BLTP3B: variants seen among roughly 807,000 people sequenced by gnomAD.
The protein encoded by BLTP3B is bridge-like lipid transfer protein family member 3B.
the BLTP3B span, chr12:100,060,058 T>G: frequency 1.9e-6 from 3 of 1,546,886 alleles, no homozygotes; most frequent in Non-Finnish European, 2.6e-6. Context: ...GGAGACAAGA[T>G]GTTTTTTAAA....
At chr12:100,092,947 C>T in the BLTP3B span, 1 of 985,388 alleles carries the variant, frequency 1.0e-6, no homozygotes, top group African/African-American at 1.7e-5. Flanking sequence ...CCCTTATTGG[C>T]TAACGGTACT....
the BLTP3B span, chr12:100,051,989 T>C: frequency 6.6e-6 from 1 of 150,990 alleles, no homozygotes; most frequent in Non-Finnish European, 1.5e-5. Context: ...GAGACTGCGG[T>C]GAGCCAAGAT....
At chr12:100,050,184 A>C in the BLTP3B span, 2 of 1,543,214 alleles carry the variant, frequency 1.3e-6, no homozygotes, top group Non-Finnish European at 1.7e-6. Flanking sequence ...GACGATTACA[A>C]AGGTAATGCC....
the BLTP3B span, among the ~76,000 whole-genome samples, chr12:100,101,688 T>G: frequency 6.6e-6 from 1 of 152,266 alleles, no homozygotes; most frequent in Non-Finnish European, 1.5e-5. Flanking sequence ...ATCCCCATAC[T>G]TCTGCTGTAT....
At chr12:100,059,609 T>TGGCTCACGCCTGTAATCC in the BLTP3B span, 1 of 1,435,940 alleles carries the variant, frequency 7.0e-7, no homozygotes, top group Non-Finnish European at 9.2e-7. Context: ...ATGACTTAGC[T>TGGCTCACGCCTGTAATCC]CAGAAATTCT....
chr12:100,132,045 G>A, the BLTP3B span, among the ~76,000 whole-genome samples: 2 of 152,118 alleles, frequency 1.3e-5, no homozygotes, highest in Admixed American at 6.5e-5. Flanking sequence ...ACCCGCCTTG[G>A]CCTCCCAAAG....
chr12:100,058,057 T>C, the BLTP3B span: 2 of 1,576,498 alleles, frequency 1.3e-6, no homozygotes, highest in African/African-American at 2.8e-5. Flanking sequence ...TTAAGTGTTC[T>C]AACTGGGGGG....
the BLTP3B span, among the ~76,000 whole-genome samples, chr12:100,132,171 A>G: frequency 6.6e-6 from 1 of 152,254 alleles, no homozygotes; most frequent in Admixed American, 6.5e-5. Flanking sequence ...TAAGAGATCA[A>G]CTTATTTAAA....
chr12:100,101,897 G>A, the BLTP3B span, among the ~76,000 whole-genome samples: 8 of 152,144 alleles, frequency 5.3e-5, no homozygotes, highest in South Asian at 2.1e-4. Flanking sequence ...TTGACCTCCC[G>A]GGTTCAAGCA....
chr12:100,118,153 G>A, the BLTP3B span, among the ~76,000 whole-genome samples: 1 of 151,938 alleles, frequency 6.6e-6, no homozygotes, highest in African/African-American at 2.4e-5. Context: ...CCAATTGAAG[G>A]ACACTGTACA....
the BLTP3B span, among the ~76,000 whole-genome samples, chr12:100,115,311 C>T: frequency 2.3e-4 from 35 of 152,212 alleles, no homozygotes; most frequent in African/African-American, 7.5e-4. Context: ...GAGGCTGAGG[C>T]AGAAGAATCA....
chr12:100,122,082 C>A, the BLTP3B span, among the ~76,000 whole-genome samples: 4 of 151,944 alleles, frequency 2.6e-5, no homozygotes, highest in Non-Finnish European at 5.9e-5. Context: ...CCAGCCTGAG[C>A]AACACAGTGA....
chr12:100,130,232 T>C, the BLTP3B span, among the ~76,000 whole-genome samples: 2 of 152,208 alleles, frequency 1.3e-5, no homozygotes, highest in African/African-American at 4.8e-5. Flanking sequence ...AGTGCTAGGA[T>C]TACAGGTGTG....
chr12:100,078,740 G>A, the BLTP3B span, among the ~76,000 whole-genome samples: 6 of 152,102 alleles, frequency 3.9e-5, no homozygotes, highest in East Asian at 1.9e-4. Context: ...GCTCCAAGAC[G>A]CTGTTTTATT....
chr12:100,131,025 G>GAGAGAGAGAGAGAC, the BLTP3B span, among the ~76,000 whole-genome samples: 1 of 123,678 alleles, frequency 8.1e-6, no homozygotes, highest in Non-Finnish European at 1.7e-5. Context: ...GAGAGAGAGA[G>GAGAGAGAGAGAGAC]AGAGAGAGAA....
chr12:100,059,873 G>A, the BLTP3B span: 23 of 1,610,752 alleles, frequency 1.4e-5, no homozygotes, highest in Non-Finnish European at 2.0e-5. Flanking sequence ...CCATCAACTC[G>A]AACATCAACA....
At chr12:100,040,997 C>G in the BLTP3B span, among the ~76,000 whole-genome samples, 2 of 151,976 alleles carry the variant, frequency 1.3e-5, no homozygotes, top group Non-Finnish European at 2.9e-5. Context: ...CTAGACAAAA[C>G]AAACAAAAAA....
the BLTP3B span, chr12:100,057,694 A>G: frequency 1.2e-6 from 2 of 1,612,378 alleles, no homozygotes; most frequent in Non-Finnish European, 1.7e-6. Flanking sequence ...ATATTCTTAT[A>G]AGAAACACAG....
the BLTP3B span, chr12:100,108,606 AT>A: frequency 7.1e-7 from 1 of 1,413,172 alleles, no homozygotes; most frequent in South Asian, 1.4e-5. Context: ...CTCCAGAGTC[AT>A]TTTTTCAAAT....
Sources: allele counts gnomAD v4.1 joint callset (sites outside exome capture counted in the v4.1 genomes callset), GRCh38; gene constraint gnomAD v4.1.1; transcripts MANE v1.5; gene names NCBI Gene and HGNC (gene_info 2026-07-23, HGNC 2026-07-21).